The following MMUT variants were observed in gnomAD, a reference collection of about 807,000 sequenced individuals.
MMUT encodes the protein methylmalonyl-CoA mutase, mitochondrial.
In MMUT, 79 loss-of-function variants were observed where a neutral mutation model predicts 79.9. The observed-to-expected ratio is 0.99, with a 90% CI of 0.82 to 1.19. The LOEUF is 1.19. Ranked by LOEUF, MMUT falls within the 50% of genes most tolerant of loss-of-function variation. The pLI is 0.00. For synonymous variants in MMUT, 273 were observed against 295.7 expected, an observed-to-expected ratio of 0.92 and a Z score of 0.79; for missense variants, 860 against 917.2, an observed-to-expected ratio of 0.94 and a Z score of 0.81.
At chr6:49,442,053 A>T in intron 9 of MMUT, 82 bp from the exon 10 acceptor site, 1 of 1,388,156 alleles carries the variant, frequency 7.2e-7, no homozygotes, top group Non-Finnish European at 1.0e-6. Context: ...AATATAATTA[A>T]ACATTTTATT....
At chr6:49,432,331 CA>C (rs1262942468) in intron 12 of MMUT, among the ~76,000 whole-genome samples, 3 of 130,788 alleles carry the variant, frequency 2.3e-5, no homozygotes, top group East Asian at 4.1e-4. Flanking sequence ...AAAATAAGCC[CA>C]TTTTTTTTTT....
chr6:49,444,767 T>G lies in MMUT; in HGVS notation c.1561-13A>C, dbSNP rs1767370645. 6.3e-7 allele frequency: 1 copy of G among 1,591,846 alleles called. No individual in the cohort carries two copies. The highest frequency in any genetic ancestry group is 8.6e-7 in the Non-Finnish European group (1 of 1,160,412). The stretch of plus-strand genomic sequence containing the variant: ...TGCTGGATTTGATCTATGGAAAAAG[T>G]CAAGGAAAGGGACAATTTACATGAA... On this transcript the variant is annotated splice_polypyrimidine_tract_variant and intron_variant, in intron 8 of 12. Transcript: ENST00000274813.
In MMUT at chr6:49,435,564, G is replaced by A; in HGVS notation, c.2016C>T (p.Ser672=). ...VDADVHAVGI[S]TLAAGHKTLV... ...GGGTTTTATGACCAGCAGCGAGGGT[G>A]CTTATGCCCACAGCATGCACATCCG... Residue 672 remains serine, a synonymous_variant, in exon 12 of 13, where the codon AGC becomes AGT. Transcript: ENST00000274813. The A allele has an allele frequency of 6.2e-7, 1 of 1,614,096 alleles. No individual in the cohort carries two copies. The highest frequency in any genetic ancestry group is 1.7e-5 in the Admixed American group (1 of 59,972).
At chr6:49,445,862 T>A (rs1226487460) in intron 8 of MMUT, among the ~76,000 whole-genome samples, 1 of 151,944 alleles carries the variant, frequency 6.6e-6, no homozygotes, top group African/African-American at 2.4e-5. Flanking sequence ...TCCATAAAAA[T>A]GCCCATTTTT....
Position 49,455,133 on chromosome 6 carries a change from A to T in MMUT, c.911+947T>A, listed in dbSNP as rs187733592. Reference sequence around the variant, plus strand: ...GAAAAATAAGTATGCTTCTTAAAAAAATATATATATATATAATAAAAGCAT... The same window carrying T: ...GAAAAATAAGTATGCTTCTTAAAAATATATATATATATATAATAAAAGCAT... On this transcript the variant is annotated intron_variant, in intron 4 of 12. Transcript: ENST00000274813. Among the ~76,000 whole-genome samples the T allele has an allele frequency of 5.7e-3, 867 of 150,954 alleles. 5 individuals are homozygous for T. Among genetic ancestry groups the T allele is most frequent in the Non-Finnish European group, 0.01 (695 of 67,734 alleles).
At chr6:49,456,325 TA>T in intron 3 of MMUT, 88 bp from the exon 4 acceptor site, 1 of 909,496 alleles carries the variant, frequency 1.1e-6, no homozygotes, top group Non-Finnish European at 1.7e-6. Flanking sequence ...AACATTATTT[TA>T]AAATGATGTT....
At position 49,459,435 on chromosome 6, in the gene MMUT, A is replaced by C; in HGVS notation, c.32T>G (p.Leu11Arg). Residue 11 changes from leucine (L) to arginine (R), a missense_variant, in exon 2 of 13, where the codon CTT becomes CGT. Physicochemically the swap from Leu to Arg is moderately radical, Grantham distance 102. Transcript: ENST00000274813. The part of the protein sequence containing the change: MLRAKNQLFL[L>R]SPHYLRQVKE... ...TACCTGCCTCAGGTAATGAGGTGAA[A>C]GTAAAAAAAGCTGATTCTTAGCTCT... 1 of 1,613,354 alleles carries C rather than the reference A, an allele frequency of 6.2e-7. No homozygotes were observed. Among genetic ancestry groups the C allele is most frequent in the Non-Finnish European group, 8.5e-7 (1 of 1,179,992 alleles).
At chr6:49,457,184 A>G (rs1767710665) in intron 3 of MMUT, among the ~76,000 whole-genome samples, 1 of 152,252 alleles carries the variant, frequency 6.6e-6, no homozygotes, top group Non-Finnish European at 1.5e-5. Context: ...CAAATTGCTC[A>G]CAGGAAAATG....
At chr6:49,438,645 G>T (rs1767194977) in intron 11 of MMUT, among the ~76,000 whole-genome samples, 1 of 152,096 alleles carries the variant, frequency 6.6e-6, no homozygotes, top group Non-Finnish European at 1.5e-5. Context: ...ATGTCAACTT[G>T]GTTGAAGGAT....
intron 4 of MMUT, 140 bp downstream of exon 4, chr6:49,455,940 C>A (rs1264070520): frequency 2.7e-6 from 2 of 741,678 alleles, no homozygotes; most frequent in Non-Finnish European, 4.2e-6. Context: ...TTGGCTTTTT[C>A]TCTCATTATC....
At chr6:49,452,657 G>A (rs963632107) in intron 5 of MMUT, among the ~76,000 whole-genome samples, 6 of 152,060 alleles carry the variant, frequency 3.9e-5, no homozygotes, top group African/African-American at 1.4e-4. Flanking sequence ...ATAAGAACCT[G>A]AAGTTTTATT....
chr6:49,451,918 T>C (rs183063798), intron 5 of MMUT, among the ~76,000 whole-genome samples: 106 of 152,366 alleles, frequency 7.0e-4, no homozygotes, highest in African/African-American at 2.5e-3. Context: ...GTGCCTCTTA[T>C]AATCCTCTGA....
In MMUT at chr6:49,430,760, TTTTA is replaced by T. The variant is rs1766952704; in HGVS notation, c.*964_*967del. On this transcript the variant is annotated 3_prime_UTR_variant, in exon 13 of 13. Coordinates refer to ENST00000274813, the MANE Select transcript of MMUT (RefSeq NM_000255.4). ...AACTTTCCTTTTTTATTTAAACTTT[TTTTA>T]TTTTACATTCTGGGGAACATGTGCA... The T allele has an allele frequency of 6.6e-6, 1 of 152,240 alleles. No homozygotes were observed. Among genetic ancestry groups the T allele is most frequent in the Non-Finnish European group, 1.5e-5 (1 of 68,038 alleles). 9.4% of individuals were successfully genotyped at this position (152,240 alleles called of 1,614,324 possible). A position where few individuals can be genotyped will look rare whatever the true frequency, so the allele number is the denominator to read the frequency against.
chr6:49,442,300 C>A (rs1217272996), intron 9 of MMUT, among the ~76,000 whole-genome samples: 1 of 152,054 alleles, frequency 6.6e-6, no homozygotes, highest in African/African-American at 2.4e-5. Context: ...CAGCAACACT[C>A]CCATAAATAT....
Position 49,431,660 on chromosome 6 carries a change from G to C in MMUT, c.*68C>G. The C allele has an allele frequency of 4.6e-6, 7 of 1,518,194 alleles. No individual in the cohort carries two copies. The highest frequency in any genetic ancestry group is 1.1e-5 in the South Asian group (1 of 87,392). 94.0% of individuals were successfully genotyped at this position (1,518,194 alleles called of 1,614,324 possible). A position where few individuals can be genotyped will look rare whatever the true frequency, so the allele number is the denominator to read the frequency against. Reference sequence around the variant, plus strand: ...GTATTGAAATTAAATTGAAGACATAGCTTTACTCTCTTCTTTGATCATAAC... The same window carrying C: ...GTATTGAAATTAAATTGAAGACATACCTTTACTCTCTTCTTTGATCATAAC... On this transcript the variant is annotated 3_prime_UTR_variant, in exon 13 of 13. Coordinates refer to ENST00000274813, the MANE Select transcript of MMUT (RefSeq NM_000255.4).
chr6:49,433,416 A>AG (rs1310722952), intron 12 of MMUT, among the ~76,000 whole-genome samples: 1 of 152,150 alleles, frequency 6.6e-6, no homozygotes, highest in Non-Finnish European at 1.5e-5. Flanking sequence ...TACCTTTGTG[A>AG]GGGGGTTGTA....
At chr6:49,456,722 AG>A (rs1015823468) in intron 3 of MMUT, among the ~76,000 whole-genome samples, 2 of 152,224 alleles carry the variant, frequency 1.3e-5, no homozygotes, top group African/African-American at 4.8e-5. Context: ...AGTACACAGT[AG>A]GAAAAAAAAT....
intron 11 of MMUT, among the ~76,000 whole-genome samples, chr6:49,436,490 A>G (rs1767132140): frequency 6.6e-6 from 1 of 151,904 alleles, no homozygotes; most frequent in African/African-American, 2.4e-5. Context: ...CTGTAGTACC[A>G]GATACTCATA....
chr6:49,461,412 G>A (rs559462566), intron 1 of MMUT, among the ~76,000 whole-genome samples: 3 of 152,300 alleles, frequency 2.0e-5, no homozygotes, highest in East Asian at 3.9e-4. Context: ...CTCAAGACAC[G>A]TAATTGTAAG....
Sources: allele counts gnomAD v4.1 joint callset (sites outside exome capture counted in the v4.1 genomes callset), GRCh38; gene constraint gnomAD v4.1.1; transcripts MANE v1.5; gene names NCBI Gene and HGNC (gene_info 2026-07-23, HGNC 2026-07-21).